Variants in USP11 observed in about 807,000 individuals in gnomAD.
USP11 encodes ubiquitin carboxyl-terminal hydrolase 11.
USP11 carries 5 observed loss-of-function variants against 72.8 expected under a neutral mutation model. The observed-to-expected ratio is 0.07, with a 90% CI of 0.04 to 0.14. The LOEUF (loss-of-function observed/expected upper bound fraction) is 0.14, where lower values mean the gene tolerates loss of function less well. USP11 is among the 10% of genes least tolerant of loss of function. The probability of loss-of-function intolerance (pLI) is 1.00; values close to 1 mark genes in which losing one functional copy is unlikely to be tolerated. For missense variants in USP11, 480 were observed against 794.7 expected, an observed-to-expected ratio of 0.60 and a Z score of 4.76; for synonymous variants, 368 against 326.5, an observed-to-expected ratio of 1.13 and a Z score of -1.37.
At chrX:47,245,305 C>T in intron 16 of USP11, 65 bp from the exon 17 acceptor site, 1 of 1,059,313 alleles carries the variant, frequency 9.4e-7, no homozygotes, top group Non-Finnish European at 1.3e-6. Context: ...CGCTGGGCCC[C>T]CACTCCCCAT....
intron 19 of USP11, 94 bp downstream of exon 19, chrX:47,247,513 G>C (rs913053758): frequency 2.6e-6 from 3 of 1,158,746 alleles, no homozygotes; most frequent in Admixed American, 4.4e-5. Context: ...ATGTGAGCCA[G>C]TGGTGAGGTT....
chrX:47,241,393 C>T lies in USP11; in HGVS notation c.963C>T (p.Asp321=), dbSNP rs1342267679. ...MKGEIAEAYA[D]LVKQAWSGHH... is the part of the protein sequence containing the mutation. ...GTGAGATCGCAGAGGCCTATGCAGA[C>T]CTGGTGAAGCAGGCGTGGTCTGGCC... Residue 321 remains aspartate, a synonymous_variant, in exon 8 of 21, where the codon GAC becomes GAT. Coordinates refer to ENST00000377107, the MANE Select transcript of USP11 (RefSeq NM_001371072.1). The T allele has an allele frequency of 1.7e-6, 2 of 1,211,037 alleles. No individual in the cohort carries two copies. The highest frequency in any genetic ancestry group is 3.5e-5 in the South Asian group (2 of 56,843).
chrX:47,239,547 G>A, intron 3 of USP11, 66 bp downstream of exon 3: 1 of 1,188,609 alleles, frequency 8.4e-7, no homozygotes, highest in Non-Finnish European at 1.1e-6. Flanking sequence ...GGCCCAGCAT[G>A]GGTACAGATC....
chrX:47,244,442 G>C (rs2147353918), intron 13 of USP11, 56 bp from the exon 14 acceptor site: 1 of 1,172,951 alleles, frequency 8.5e-7, no homozygotes, highest in Non-Finnish European at 1.2e-6. Flanking sequence ...AAAATCCCGG[G>C]CTCTATCCCC....
Position 47,244,719 on chromosome X carries a change from C to T in USP11, c.1881C>T (p.Pro627=). The part of the protein sequence containing the change: ...DEEDKDDVPG[P]STGGSLRDPE... ...AGGATAAAGATGACGTCCCTGGGCC[C>T]TCAACTGGGGGCAGCCTCCGAGACC... The change falls in exon 15 of 21, where the codon CCC becomes CCT. Residue 627 remains proline, a synonymous_variant. Coordinates refer to ENST00000377107, the MANE Select transcript of USP11 (RefSeq NM_001371072.1). 4.1e-6 allele frequency: 5 copies of T among 1,209,486 alleles called. No homozygotes were observed. The highest frequency in any genetic ancestry group is 5.6e-6 in the Non-Finnish European group (5 of 894,568).
At chrX:47,244,604 T>A in intron 14 of USP11, 54 bp downstream of exon 14, 1 of 1,206,783 alleles carries the variant, frequency 8.3e-7, no homozygotes, top group East Asian at 3.0e-5. Flanking sequence ...CTGACCCACG[T>A]AGGGTTCGTC....
At chrX:47,246,854 CTA>C in intron 17 of USP11, among the ~76,000 whole-genome samples, 1 of 110,355 alleles carries the variant, frequency 9.1e-6, no homozygotes, top group East Asian at 2.9e-4. Flanking sequence ...AACCCTGTCT[CTA>C]TTAAAAATAC....
chrX:47,239,629 C>T (rs2055392001), intron 3 of USP11, 148 bp downstream of exon 3: 22 of 999,671 alleles, frequency 2.2e-5, no homozygotes, highest in Non-Finnish European at 3.0e-5. Flanking sequence ...GTATCTTTGT[C>T]TGCTGTGTGT....
Position 47,245,411 on chromosome X carries a change from G to A in USP11, c.2199G>A (p.Lys733=). Residue 733 remains lysine (K), a synonymous_variant, in exon 17 of 21, where the codon AAG becomes AAA. Coordinates refer to ENST00000377107, the MANE Select transcript of USP11 (RefSeq NM_001371072.1). The part of the protein sequence containing the change: ...KHDCVGYVMK[K]APVRLQECIE... ...ACTGCGTCGGGTACGTGATGAAGAAGGCTCCCGTGCGGCTGCAGGAGTGCA... is the reference window on the plus strand; with the variant it reads ...ACTGCGTCGGGTACGTGATGAAGAAAGCTCCCGTGCGGCTGCAGGAGTGCA... 1 of 1,211,898 alleles carries A rather than the reference G, an allele frequency of 8.3e-7. No individual in the cohort carries two copies. The highest frequency in any genetic ancestry group is 1.1e-6 in the Non-Finnish European group (1 of 895,432).
chrX:47,239,297 T>C, intron 2 of USP11, 54 bp from the exon 3 acceptor site: 5 of 1,194,433 alleles, frequency 4.2e-6, no homozygotes, highest in Non-Finnish European at 5.6e-6. Context: ...CCAGAGTCAT[T>C]CGTCAGTTTC....
chrX:47,233,419 G>A, intron 1 of USP11, 200 bp downstream of exon 1: 2 of 1,075,774 alleles, frequency 1.9e-6, no homozygotes, highest in African/African-American at 3.7e-5. Context: ...CGGGGCCTGT[G>A]TGGTGCAGTC....
Position 47,247,635 on chromosome X carries a change from A to G in USP11, c.2561A>G (p.Asp854Gly). ...GHYTTFACNK[D>G]SGQWHYFDDN... ...GACACAACATTTGCCTGCAACAAGG[A>G]CAGCGGCCAGTGGCACTACTTTGAT... is the stretch of plus-strand genomic sequence containing the variant. The change falls in exon 20 of 21, where the codon GAC (aspartate) becomes GGC (glycine). Residue 854 changes from aspartate to glycine, a missense_variant. Around this residue, in one of 5 missense-constraint regions of USP11, gnomAD observed 314 missense variants for 556.0 expected, o/e 0.56. Coordinates refer to ENST00000377107, the MANE Select transcript of USP11 (RefSeq NM_001371072.1). 8.3e-7 allele frequency: 1 copy of G among 1,211,324 alleles called. No homozygotes were observed. Among genetic ancestry groups the G allele is most frequent in the Non-Finnish European group, 1.1e-6 (1 of 895,379 alleles).
Position 47,248,024 on chromosome X carries a change from T to G in USP11, c.*94T>G. On this transcript the variant is annotated 3_prime_UTR_variant, in exon 21 of 21. Coordinates refer to ENST00000377107, the MANE Select transcript of USP11 (RefSeq NM_001371072.1). The stretch of plus-strand genomic sequence containing the variant: ...CCCCGCTTCTCTTATTCGTGTTAGG[T>G]GCCCCCGCCAGGCATTGCAGGCTTA... The G allele has an allele frequency of 2.8e-6, 3 of 1,087,509 alleles. No individual in the cohort carries two copies. Among genetic ancestry groups the G allele is most frequent in the Non-Finnish European group, 3.6e-6 (3 of 830,481 alleles). 89.6% of individuals were successfully genotyped at this position (1,087,509 alleles called of 1,213,427 possible).
chrX:47,239,169 A>G lies in USP11; in HGVS notation c.276A>G (p.Thr92=), dbSNP rs2055389602. 1 of 1,207,210 alleles carries G rather than the reference A, an allele frequency of 8.3e-7. No individual in the cohort carries two copies. ...TCCCTGGCTGCATCAACAATGCCAC[A>G]CTCTTTCAAGGTACAAGGCCTTTGC... ...STFPGCINNA[T]LFQDEINWRL... Residue 92 remains threonine, a synonymous_variant, in exon 2 of 21, where the codon ACA becomes ACG. Coordinates refer to ENST00000377107, the MANE Select transcript of USP11 (RefSeq NM_001371072.1).
intron 10 of USP11, 26 bp downstream of exon 10, chrX:47,242,332 G>C (rs1446588871): frequency 1.2e-5 from 14 of 1,203,529 alleles, no homozygotes; most frequent in Non-Finnish European, 1.6e-5. Flanking sequence ...GGCCTGGGGA[G>C]ATGATGATGG....
At position 47,243,585 on chromosome X, in the gene USP11, C is replaced by T. The variant is rs368362697; in HGVS notation, c.1773C>T (p.Val591=). 109 of 1,209,992 alleles carry T rather than the reference C, an allele frequency of 9.0e-5. No individual in the cohort carries two copies. The highest frequency in any genetic ancestry group is 1.2e-4 in the Non-Finnish European group (106 of 895,123). ...DRFTWEGLYN[V]LMYRLSRYVT... ...TCACCTGGGAGGGCCTGTATAACGT[C>T]CTGATGTACCGGCTCTCGTAAGTGT... The change falls in exon 13 of 21, where the codon GTC becomes GTT. Residue 591 remains valine, a synonymous_variant. Transcript: ENST00000377107.
rs1246386032 is a variant in USP11 at position 47,243,506 on chromosome X, A to G, written c.1694A>G (p.Tyr565Cys). ...TPARDYNNSY[Y>C]GLMLFGHPLL... is the part of the protein sequence containing the mutation. Reference sequence around the variant, plus strand: ...GCCCGTGACTACAACAACTCCTACTACGGCCTGATGCTTTTTGGACACCCC... The same window carrying G: ...GCCCGTGACTACAACAACTCCTACTGCGGCCTGATGCTTTTTGGACACCCC... Residue 565 changes from tyrosine to cysteine, a missense_variant, in exon 13 of 21, where the codon TAC becomes TGC. This residue lies in a region of USP11 where 314 missense variants were observed against 556.0 expected (regional missense o/e 0.56). Transcript: ENST00000377107. The G allele has an allele frequency of 8.3e-7, 1 of 1,211,267 alleles. No individual in the cohort carries two copies. The highest frequency in any genetic ancestry group is 1.1e-6 in the Non-Finnish European group (1 of 895,366).
intron 1 of USP11, among the ~76,000 whole-genome samples, chrX:47,234,133 G>A (rs73630267): frequency 0.082 from 9,064 of 111,107 alleles, 920 homozygotes; most frequent in African/African-American, 0.28. Flanking sequence ...TGTGAAATAC[G>A]TAAGACTTAA....
intron 13 of USP11, 116 bp downstream of exon 13, chrX:47,243,718 A>G (rs1223507774): frequency 5.5e-6 from 4 of 722,220 alleles, no homozygotes; most frequent in Admixed American, 3.2e-5. Context: ...CAAACTTAAC[A>G]TGGCCATAGA....
Sources: allele counts gnomAD v4.1 joint callset (sites outside exome capture counted in the v4.1 genomes callset), GRCh38; gene constraint gnomAD v4.1.1; regional missense constraint gnomAD v4.1.1; transcripts MANE v1.5; gene names NCBI Gene and HGNC (gene_info 2026-07-23, HGNC 2026-07-21).